The following AKAP13 variants were observed in gnomAD, a reference collection of about 807,000 sequenced individuals.
The protein encoded by AKAP13 is A-kinase anchor protein 13.
A neutral mutation model predicts 264.5 loss-of-function variants in AKAP13; 80 were observed. That is an observed-to-expected ratio of 0.30 (90% CI 0.25 to 0.36). AKAP13 has a LOEUF of 0.36. Ranked by LOEUF, AKAP13 falls within the 10% of genes least tolerant of loss-of-function variation. The probability of loss-of-function intolerance (pLI) is 1.00; values close to 1 mark genes in which losing one functional copy is unlikely to be tolerated. For synonymous variants in AKAP13, 1,380 were observed against 1,250.2 expected (o/e 1.10, Z -2.19); for missense variants, 3,712 against 3,435.2 (o/e 1.08, Z -2.01).
chr15:85,613,691 A>AAAAAATATATATATATATATATATAT (rs1313187436), intron 8 of AKAP13, among the ~76,000 whole-genome samples: 2 of 91,964 alleles, frequency 2.2e-5, no homozygotes, highest in African/African-American at 9.1e-5. Context: ...AAAAAAAAAA[A>AAAAAATATATATATATATATATATAT]ATATATATAT....
intron 17 of AKAP13, among the ~76,000 whole-genome samples, chr15:85,704,046 G>C (rs1019128318): frequency 3.9e-5 from 6 of 152,086 alleles, no homozygotes; most frequent in Admixed American, 1.3e-4. Context: ...AATGATAGGA[G>C]AAAGTTGTGC....
At chr15:85,712,871 T>C (rs755335753) in intron 19 of AKAP13, among the ~76,000 whole-genome samples, 1 of 152,188 alleles carries the variant, frequency 6.6e-6, no homozygotes, top group African/African-American at 2.4e-5. Context: ...ATTCCTGTTG[T>C]ACTCCACTGA....
intron 8 of AKAP13, among the ~76,000 whole-genome samples, chr15:85,590,393 T>C (rs2079536352): frequency 6.6e-6 from 1 of 152,238 alleles, no homozygotes; most frequent in Admixed American, 6.5e-5. Flanking sequence ...GAGTTCTTGT[T>C]TTCTTTAGTC....
chr15:85,476,657 A>T (rs534582449), intron 1 of AKAP13, among the ~76,000 whole-genome samples: 7 of 152,310 alleles, frequency 4.6e-5, no homozygotes, highest in Admixed American at 4.6e-4. Context: ...CACATTTACA[A>T]CTCAATTCTA....
intron 8 of AKAP13, among the ~76,000 whole-genome samples, chr15:85,586,713 G>A (rs866619772): frequency 6.6e-6 from 1 of 152,076 alleles, no homozygotes; most frequent in Non-Finnish European, 1.5e-5. Flanking sequence ...ATTACCTGAG[G>A]TCGGAAGTTC....
At chr15:85,592,943 C>CT in intron 8 of AKAP13, among the ~76,000 whole-genome samples, 1 of 152,240 alleles carries the variant, frequency 6.6e-6, no homozygotes, top group East Asian at 1.9e-4. Flanking sequence ...TTTAATTTCT[C>CT]TGATCTGTGT....
intron 2 of AKAP13, among the ~76,000 whole-genome samples, chr15:85,512,811 TTTTATGTATGTA>T (rs1308858768): frequency 1.0e-4 from 15 of 144,566 alleles, no homozygotes; most frequent in Non-Finnish European, 1.5e-4. Flanking sequence ...TGTTGACTAT[TTTTATGTATGTA>T]TGTATGTATG....
chr15:85,571,907 A>G (rs73452414), intron 5 of AKAP13, among the ~76,000 whole-genome samples: 6,472 of 152,270 alleles, frequency 0.043, 447 homozygotes, highest in African/African-American at 0.15. Context: ...GGAAGCAACA[A>G]AAGTCCCCAG....
At chr15:85,553,728 G>C (rs1367483593) in intron 5 of AKAP13, among the ~76,000 whole-genome samples, 1 of 152,210 alleles carries the variant, frequency 6.6e-6, no homozygotes, top group Non-Finnish European at 1.5e-5. Context: ...TCCATGGACT[G>C]TTAGGACCCA....
intron 2 of AKAP13, among the ~76,000 whole-genome samples, chr15:85,489,813 C>T (rs971030336): frequency 1.3e-5 from 2 of 152,170 alleles, no homozygotes; most frequent in African/African-American, 2.4e-5. Flanking sequence ...CCAAAGTGTA[C>T]AGGTGGCAGT....
At chr15:85,483,639 A>AAAAACAAC (rs1555434079) in intron 1 of AKAP13, among the ~76,000 whole-genome samples, 3 of 122,318 alleles carry the variant, frequency 2.5e-5, no homozygotes, top group African/African-American at 8.0e-5. Flanking sequence ...TCTCAAAAAA[A>AAAAACAAC]AAAAAAAAAA....
chr15:85,440,552 C>A (rs1010492369), intron 1 of AKAP13, among the ~76,000 whole-genome samples: 1 of 152,088 alleles, frequency 6.6e-6, no homozygotes, highest in African/African-American at 2.4e-5. Context: ...CTATATTCAT[C>A]AGTAAAAAAT....
At chr15:85,395,782 A>G (rs902531171) in intron 1 of AKAP13, among the ~76,000 whole-genome samples, 7 of 151,744 alleles carry the variant, frequency 4.6e-5, no homozygotes, top group African/African-American at 9.7e-5. Flanking sequence ...GTCTTTGCCC[A>G]GTGTTCATTT....
chr15:85,691,931 C>T (rs1272656389), intron 16 of AKAP13: 1 of 464,788 alleles, frequency 2.2e-6, no homozygotes, highest in Non-Finnish European at 4.3e-6. Context: ...TCCTGCCTTC[C>T]TGCACCCCTA....
chr15:85,598,337 TG>T (rs2079908425), intron 8 of AKAP13, among the ~76,000 whole-genome samples: 1 of 152,190 alleles, frequency 6.6e-6, no homozygotes, highest in African/African-American at 2.4e-5. Context: ...CTCTACTTTG[TG>T]GGCAACAGGA....
chr15:85,503,747 T>C, intron 2 of AKAP13, among the ~76,000 whole-genome samples: 1 of 152,180 alleles, frequency 6.6e-6, no homozygotes, highest in Non-Finnish European at 1.5e-5. Context: ...AGAAAGGCAT[T>C]GTATTTCATG....
At chr15:85,670,687 C>T (rs338521) in intron 14 of AKAP13, 1 of 151,740 alleles carries the variant, frequency 6.6e-6, no homozygotes, top group East Asian at 1.9e-4. Flanking sequence ...GGAGAAACCT[C>T]GCACAGTAAC....
At chr15:85,715,309 C>G (rs2086866584) in intron 19 of AKAP13, among the ~76,000 whole-genome samples, 1 of 152,138 alleles carries the variant, frequency 6.6e-6, no homozygotes, top group Non-Finnish European at 1.5e-5. Flanking sequence ...TGTAGTATAA[C>G]TTATTCACCA....
intron 1 of AKAP13, among the ~76,000 whole-genome samples, chr15:85,406,909 G>C (rs974045631): frequency 1.3e-5 from 2 of 151,790 alleles, no homozygotes; most frequent in Middle Eastern, 3.4e-3. Context: ...TATGGGCTAG[G>C]CCCTGAAAGA....
Sources: gnomAD v4.1 joint callset for allele counts (sites outside exome capture counted in the v4.1 genomes callset) on GRCh38, gnomAD v4.1.1 for gene constraint, MANE v1.5 for transcripts, NCBI Gene and HGNC (gene_info 2026-07-23, HGNC 2026-07-21) for gene names.